ZNF333: variants seen among roughly 807,000 people sequenced by gnomAD.
ZNF333 encodes the protein zinc finger protein 333.
In ZNF333, 61 loss-of-function variants were observed where a neutral mutation model predicts 76.1. That is an observed-to-expected ratio of 0.80 (90% confidence interval 0.65 to 0.99). ZNF333 has a LOEUF of 0.99. Among genes scored for constraint, ZNF333 ranks in the 50% least tolerant of loss-of-function variants. The pLI is 0.00. For missense variants in ZNF333, 717 were observed against 822.4 expected (o/e 0.87, Z 1.57); for synonymous variants, 284 against 305.0 (o/e 0.93, Z 0.72).
chr19:14,719,193 G>A lies in ZNF333; in HGVS notation c.1866G>A (p.Gln622=). ...CCGGGAGACCCTATCAATGTAATCAGTGTGAGAAAGCCTTCAGGCACAGCT... is the reference window on the plus strand; with the variant it reads ...CCGGGAGACCCTATCAATGTAATCAATGTGAGAAAGCCTTCAGGCACAGCT... ...HSAGRPYQCN[Q]CEKAFRHSSS... Residue 622 remains glutamine (Q), a synonymous_variant, in exon 12 of 12, where the codon CAG becomes CAA. Transcript: ENST00000292530. The A allele has an allele frequency of 1.2e-6, 2 of 1,614,212 alleles. No homozygotes were observed. Among genetic ancestry groups the A allele is most frequent in the Non-Finnish European group, 1.7e-6 (2 of 1,180,046 alleles).
At chr19:14,715,493 A>T (rs777173588) in intron 8 of ZNF333, 23 bp downstream of exon 8, 40 of 1,602,190 alleles carry the variant, frequency 2.5e-5, no homozygotes, top group Non-Finnish European at 3.2e-5. Context: ...TTCTTGTTCT[A>T]AAAGAACACT....
intron 2 of ZNF333, 102 bp downstream of exon 2, chr19:14,693,596 G>C: frequency 1.5e-6 from 2 of 1,374,784 alleles, no homozygotes; most frequent in East Asian, 4.8e-5. Flanking sequence ...CCCCAACTGA[G>C]GAAGAAAGGG....
intron 7 of ZNF333, among the ~76,000 whole-genome samples, chr19:14,707,549 C>CT (rs751633025): frequency 0.33 from 37,659 of 115,748 alleles, 7,546 homozygotes; most frequent in East Asian, 0.54. Flanking sequence ...AGCTTTGTTT[C>CT]TTTTTTTTTT....
chr19:14,697,858 G>A (rs540351181), intron 4 of ZNF333, among the ~76,000 whole-genome samples: 1 of 152,146 alleles, frequency 6.6e-6, no homozygotes, highest in African/African-American at 2.4e-5. Context: ...GCCCATACTT[G>A]TCATCCAATT....
At chr19:14,715,268 CAT>C (rs1256851077) in intron 7 of ZNF333, 112 bp from the exon 8 acceptor site, 8 of 798,516 alleles carry the variant, frequency 1.0e-5, no homozygotes, top group Non-Finnish European at 1.2e-5. Context: ...TGAGTGTGTG[CAT>C]GTGTGTGTGT....
intron 2 of ZNF333, among the ~76,000 whole-genome samples, chr19:14,693,854 C>A (rs1289476554): frequency 6.6e-6 from 1 of 151,964 alleles, no homozygotes; most frequent in Non-Finnish European, 1.5e-5. Flanking sequence ...GTTGTGTGTG[C>A]CTGGAATCGC....
intron 1 of ZNF333, among the ~76,000 whole-genome samples, chr19:14,692,806 C>T (rs1879873143): frequency 6.7e-6 from 1 of 149,006 alleles, no homozygotes; most frequent in South Asian, 2.2e-4. Context: ...AGCCACCGTG[C>T]TTGACCTGGA....
Position 14,717,705 on chromosome 19 carries a change from C to T in ZNF333, c.872C>T (p.Thr291Ile). The T allele has an allele frequency of 1.2e-6, 2 of 1,614,104 alleles. No homozygotes were observed. Among genetic ancestry groups the T allele is most frequent in the South Asian group, 1.1e-5 (1 of 91,084 alleles). ...QEAIPSQDTF[T>I]EILSIDVKGE... ...GCAATTCCTAGCCAAGATACTTTTACAGAGATCCTGTCCATTGATGTGAAA... is the reference window on the plus strand; with the variant it reads ...GCAATTCCTAGCCAAGATACTTTTATAGAGATCCTGTCCATTGATGTGAAA... Residue 291 changes from threonine to isoleucine, a missense_variant, in exon 11 of 12, where the codon ACA becomes ATA. Coordinates refer to ENST00000292530, the MANE Select transcript of ZNF333 (RefSeq NM_032433.4).
At chr19:14,707,336 G>C (rs1347583844) in intron 7 of ZNF333, 1 of 152,184 alleles carries the variant, frequency 6.6e-6, no homozygotes, top group Admixed American at 6.6e-5. Flanking sequence ...GAGCCCAGGA[G>C]GTCAGGGCTG....
At chr19:14,712,973 G>C (rs377730752) in intron 7 of ZNF333, among the ~76,000 whole-genome samples, 2 of 151,952 alleles carry the variant, frequency 1.3e-5, no homozygotes, top group African/African-American at 2.4e-5. Context: ...ATACACTCAC[G>C]TGGTCCCAAA....
chr19:14,721,139 C>G lies in ZNF333; in HGVS notation c.*1814C>G, dbSNP rs1006531694. ...TCACACTGACACTTTGAGGTATGTA[C>G]TGTTATCCCCAATTCCCAGATGAGG... is the stretch of plus-strand genomic sequence containing the variant. On this transcript the variant is annotated 3_prime_UTR_variant, in exon 12 of 12. Coordinates refer to ENST00000292530, the MANE Select transcript of ZNF333 (RefSeq NM_032433.4). 1.8e-5 allele frequency: 5 copies of G among 275,288 alleles called. No individual in the cohort carries two copies. Among genetic ancestry groups the G allele is most frequent in the Non-Finnish European group, 2.8e-5 (5 of 181,074 alleles). The allele number at this position is 275,288 out of a possible 1,614,324, so 17.1% of individuals were successfully genotyped here.
rs766042975 is a variant in ZNF333, at chr19:14,716,069, T to C, written c.601-43T>C. On this transcript the variant is annotated intron_variant, in intron 8 of 11. Coordinates refer to ENST00000292530, the MANE Select transcript of ZNF333 (RefSeq NM_032433.4). ...CCTCCAGCATCCTCTGGCGTACTGG[T>C]GGGGGTGGTCCCTGGCTGAGCCGGG... 2.3e-5 allele frequency: 37 copies of C among 1,611,512 alleles called. No individual in the cohort carries two copies. In the Middle Eastern group the frequency reaches 4.9e-4, roughly 22 times the overall value.
At chr19:14,706,291 G>A in intron 6 of ZNF333, 1 of 395,260 alleles carries the variant, frequency 2.5e-6, no homozygotes, top group South Asian at 1.9e-5. Context: ...CTACTCCAAG[G>A]AGAGGTCTTC....
At chr19:14,695,265 C>A in intron 3 of ZNF333, 132 bp downstream of exon 3, 1 of 1,321,730 alleles carries the variant, frequency 7.6e-7, no homozygotes. Context: ...AAAGCTTCAT[C>A]TGTTGCATTG....
chr19:14,710,789 A>T lies in ZNF333; in HGVS notation c.511+4016A>T, dbSNP rs545021316. ...TGAGATTTCCTTCTTAAAAAATAAAAAAATAAATAAAAGTAAATAAAAGAA... is the reference window on the plus strand; with the variant it reads ...TGAGATTTCCTTCTTAAAAAATAAATAAATAAATAAAAGTAAATAAAAGAA... On this transcript the variant is annotated intron_variant, in intron 7 of 11. Coordinates refer to ENST00000292530, the MANE Select transcript of ZNF333 (RefSeq NM_032433.4). 7.2e-5 allele frequency among the ~76,000 whole-genome samples: 11 copies of T among 152,306 alleles called. No individual in the cohort carries two copies. The South Asian group carries it at 1.0e-3, about 14-fold the overall frequency.
Position 14,698,948 on chromosome 19 carries a change from A to G in ZNF333, c.224-251A>G, listed in dbSNP as rs1331802090. Among the ~76,000 whole-genome samples, 3 of 148,158 alleles carry G rather than the reference A, an allele frequency of 2.0e-5. No individual in the cohort carries two copies. The East Asian group carries it at 5.9e-4, about 29-fold the overall frequency. The stretch of plus-strand genomic sequence containing the variant: ...TATATATATATATACACACATATAT[A>G]TTTTCAATTTTATGCCACTATTTCT... On this transcript the variant is annotated intron_variant, in intron 4 of 11. Coordinates refer to ENST00000292530, the MANE Select transcript of ZNF333 (RefSeq NM_032433.4).
Position 14,728,101 on chromosome 19 carries a change from T to C in ZNF333, c.901-3074T>C, listed in dbSNP as rs555488814. Reference sequence around the variant, plus strand: ...GGTGGTGGGCGCCTGTAGTCCCAACTACTCGGGAGGCTGAGGCAGGAGAAT... The same window carrying C: ...GGTGGTGGGCGCCTGTAGTCCCAACCACTCGGGAGGCTGAGGCAGGAGAAT... On this transcript the variant is annotated intron_variant, in intron 11 of 11. Coordinates refer to the ZNF333 transcript ENST00000540689. 3.2e-4 allele frequency among the ~76,000 whole-genome samples: 49 copies of C among 152,170 alleles called. No individual in the cohort carries two copies. In the South Asian group the frequency reaches 8.5e-3, roughly 26 times the overall value.
intron 7 of ZNF333, chr19:14,708,060 T>A (rs529829665): frequency 5.1e-6 from 2 of 395,632 alleles, no homozygotes; most frequent in Non-Finnish European, 8.9e-6. Flanking sequence ...TGGGCTGGAG[T>A]GCAGTGGCAC....
intron 7 of ZNF333, among the ~76,000 whole-genome samples, chr19:14,711,904 G>C (rs1394848703): frequency 6.6e-6 from 1 of 152,088 alleles, no homozygotes; most frequent in Admixed American, 6.5e-5. Context: ...GAAAGGGAAG[G>C]GGTCCTATCA....
Sources: gnomAD v4.1 joint callset for allele counts (sites outside exome capture counted in the v4.1 genomes callset) on GRCh38, gnomAD v4.1.1 for gene constraint, MANE v1.5 for transcripts, NCBI Gene and HGNC (gene_info 2026-07-23, HGNC 2026-07-21) for gene names.